PPFIA4: variants seen among roughly 807,000 people sequenced by gnomAD.
The protein encoded by PPFIA4 is liprin-alpha-4.
Under a neutral mutation model 145.7 loss-of-function variants are expected in PPFIA4, and 98 were observed. The observed-to-expected ratio is 0.67, with a 90% confidence interval of 0.57 to 0.80. The LOEUF is 0.80. Among genes scored for constraint, PPFIA4 ranks in the 30% least tolerant of loss-of-function variants. PPFIA4 has a pLI of 0.00. For synonymous variants in PPFIA4, 628 were observed against 649.6 expected, an observed-to-expected ratio of 0.97 and a Z score of 0.51; for missense variants, 1,457 against 1,632.7, an observed-to-expected ratio of 0.89 and a Z score of 1.85.
chr1:203,051,979 C>A, intron 14 of PPFIA4, 102 bp downstream of exon 14: 2 of 1,295,634 alleles, frequency 1.5e-6, no homozygotes, highest in Non-Finnish European at 1.1e-6. Flanking sequence ...AATCCTTCCC[C>A]TTCCCTCCCG....
intron 4 of PPFIA4, 127 bp from the exon 5 acceptor site, chr1:203,044,252 C>T: frequency 8.6e-7 from 1 of 1,162,826 alleles, no homozygotes; most frequent in Non-Finnish European, 1.2e-6. Context: ...CTCCCTCCTG[C>T]AAATGTGCTG....
chr1:203,034,548 G>T lies in PPFIA4; in HGVS notation c.-399-4062G>T, dbSNP rs948258267. Reference sequence around the variant, plus strand: ...CTGTTTCTGCAGCGCCTATGGGAGTGGGGGGCAGTGGGGGGAACTCAGGGA... The same window carrying T: ...CTGTTTCTGCAGCGCCTATGGGAGTTGGGGGCAGTGGGGGGAACTCAGGGA... On this transcript the variant is annotated intron_variant, in intron 1 of 29. Transcript: ENST00000295706. 2.8e-5 allele frequency: 13 copies of T among 456,348 alleles called. 1 individual carries two copies. Among genetic ancestry groups the T allele is most frequent in the African/African-American group, 4.0e-5 (2 of 50,058 alleles). 28.3% of individuals were successfully genotyped at this position (456,348 alleles called of 1,614,324 possible). A position where few individuals can be genotyped will look rare whatever the true frequency, so the allele number is the denominator to read the frequency against.
In PPFIA4 at chr1:203,044,383, G is replaced by A; in HGVS notation, c.506G>A (p.Arg169Gln). 5.8e-6 allele frequency: 9 copies of A among 1,551,682 alleles called. No individual in the cohort carries two copies. Among genetic ancestry groups the A allele is most frequent in the Non-Finnish European group, 6.1e-6 (7 of 1,147,572 alleles). The change falls in exon 5 of 30, where the codon CGA (arginine) becomes CAA (glutamine). Residue 169 changes from arginine to glutamine, a missense_variant. Arg to Gln is a conservative substitution (Grantham distance 43). Around this residue, in one of 3 missense-constraint regions of PPFIA4, gnomAD observed 463 missense variants for 459.8 expected, o/e 1.01. Transcript: ENST00000295706. ...ATCTCCCCTTACCTCGAGCAGGTGC[G>A]AGAGCGGCTCCGGGCAGCGCTGGAG... ...EHHKALDEKV[R>Q]ERLRAALERV... is the part of the protein sequence containing the mutation.
intron 13 of PPFIA4, among the ~76,000 whole-genome samples, chr1:203,050,004 G>T (rs990118143): frequency 6.6e-6 from 1 of 152,224 alleles, no homozygotes; most frequent in African/African-American, 2.4e-5. Flanking sequence ...CCAGTGCTCT[G>T]TCCCCGCTGT....
chr1:203,052,733 C>T (rs1244706957), intron 14 of PPFIA4, among the ~76,000 whole-genome samples: 2 of 152,158 alleles, frequency 1.3e-5, no homozygotes, highest in Non-Finnish European at 2.9e-5. Context: ...ACCTTTCTGT[C>T]CCTGGCTCCC....
intron 24 of PPFIA4, among the ~76,000 whole-genome samples, chr1:203,062,706 TGAA>T (rs1661478786): frequency 6.6e-6 from 1 of 151,650 alleles, no homozygotes; most frequent in Non-Finnish European, 1.5e-5. Context: ...GGGTGTGAAA[TGAA>T]GAATGCAGAT....
At chr1:203,058,451 C>T (rs1203003445) in intron 19 of PPFIA4, among the ~76,000 whole-genome samples, 1 of 152,080 alleles carries the variant, frequency 6.6e-6, no homozygotes, top group African/African-American at 2.4e-5. Context: ...GGAAGCTGAA[C>T]GGTTTGATCA....
At chr1:203,034,335 C>G in intron 1 of PPFIA4, 1 of 415,470 alleles carries the variant, frequency 2.4e-6, no homozygotes, top group South Asian at 1.8e-5. Context: ...GGCTAGGGAG[C>G]AGCAGGAGAG....
intron 2 of PPFIA4, among the ~76,000 whole-genome samples, chr1:203,041,334 G>A (rs988229904): frequency 1.3e-5 from 2 of 152,202 alleles, no homozygotes; most frequent in Non-Finnish European, 2.9e-5. Context: ...CCTCACTCCT[G>A]TAATCCCAGC....
chr1:203,026,786 C>T (rs1658423147), intron 1 of PPFIA4, among the ~76,000 whole-genome samples, 157 bp downstream of exon 1: 1 of 152,224 alleles, frequency 6.6e-6, no homozygotes, highest in Non-Finnish European at 1.5e-5. Flanking sequence ...TACTGCTTAC[C>T]CTGCCGCCCC....
intron 1 of PPFIA4, among the ~76,000 whole-genome samples, chr1:203,031,665 A>AT (rs200147532): frequency 2.0e-3 from 312 of 152,238 alleles, no homozygotes; most frequent in African/African-American, 7.0e-3. Context: ...GACTTTGAGC[A>AT]TTTTTTTACC....
rs751983804 is a variant in PPFIA4 at position 203,043,530 on chromosome 1, G to T, written c.336+32G>T. ...GGGGATGACCTTGTGTCGCGCGCGC[G>T]CACGTGTGTGTGTGTGTGTATGGGG... On this transcript the variant is annotated intron_variant, in intron 3 of 29. Transcript: ENST00000295706. The surrounding 1 kb of genome is among the most constrained non-coding windows in gnomAD (Gnocchi z 4.4). The T allele has an allele frequency of 3.9e-6, 6 of 1,550,442 alleles. No individual in the cohort carries two copies. In the African/African-American group the frequency reaches 8.3e-5, roughly 21 times the overall value.
chr1:203,063,198 C>T (rs183699037), intron 24 of PPFIA4: 3 of 152,478 alleles, frequency 2.0e-5, no homozygotes, highest in African/African-American at 7.2e-5. Flanking sequence ...CCACATGGCA[C>T]AGGCCCTGCA....
At chr1:203,062,282 C>T (rs1479512310) in intron 24 of PPFIA4, among the ~76,000 whole-genome samples, 1 of 151,032 alleles carries the variant, frequency 6.6e-6, no homozygotes, top group Non-Finnish European at 1.5e-5. Context: ...TCAAGACCAT[C>T]CTGGCTAACA....
At chr1:203,053,713 G>T (rs1175086839) in intron 14 of PPFIA4, 40 bp from the exon 15 acceptor site, 15 of 1,517,398 alleles carry the variant, frequency 9.9e-6, no homozygotes, top group African/African-American at 1.4e-5. Context: ...AGTTATCTGG[G>T]TGTCTTATTA....
chr1:203,044,119 C>A, intron 4 of PPFIA4, 24 bp downstream of exon 4: 3 of 1,552,960 alleles, frequency 1.9e-6, no homozygotes, highest in South Asian at 1.2e-5. Context: ...CGCCAGCCCC[C>A]ACATCCAGCC....
At position 203,075,661 on chromosome 1, in the gene PPFIA4, A is replaced by T. The variant is rs547367267; in HGVS notation, c.3478A>T (p.Ser1160Cys). 1.3e-6 allele frequency: 2 copies of T among 1,509,998 alleles called. No individual in the cohort carries two copies. The highest frequency in any genetic ancestry group is 1.8e-6 in the Non-Finnish European group (2 of 1,128,700). The allele number at this position is 1,509,998 out of a possible 1,614,324, so 93.5% of individuals were successfully genotyped here. A position where few individuals can be genotyped will look rare whatever the true frequency, so the allele number is the denominator to read the frequency against. Reference sequence around the variant, plus strand: ...GCACCACGGTCGCGGCGGCATGCTCAGCGCTTCCGCGGAGACCCTCCCGGC... The same window carrying T: ...GCACCACGGTCGCGGCGGCATGCTCTGCGCTTCCGCGGAGACCCTCCCGGC... ...REHHGRGGML[S>C]ASAETLPAGF... Residue 1160 changes from serine (S) to cysteine (C), a missense_variant, in exon 29 of 30, where the codon AGC becomes TGC. Ser to Cys is a moderately radical substitution (Grantham distance 112). This residue lies in a region of PPFIA4 where 146 missense variants were observed against 126.2 expected (regional missense o/e 1.16). Transcript: ENST00000295706. This position sits in a 1 kb window ranked among gnomAD's most constrained non-coding sequence, Gnocchi z 4.1.
intron 1 of PPFIA4, among the ~76,000 whole-genome samples, chr1:203,030,728 C>A (rs1353207451): frequency 6.6e-6 from 1 of 152,222 alleles, no homozygotes; most frequent in Non-Finnish European, 1.5e-5. Flanking sequence ...TACGCTGTCT[C>A]ATGAGCAGCA....
rs1203998250 is a variant in PPFIA4, at chr1:203,075,728, C to T, written c.3545C>T (p.Pro1182Leu). 6.5e-6 allele frequency: 9 copies of T among 1,384,180 alleles called. No individual in the cohort carries two copies. The highest frequency in any genetic ancestry group is 8.5e-6 in the Non-Finnish European group (9 of 1,062,406). The allele number at this position is 1,384,180 out of a possible 1,614,324, so 85.7% of individuals were successfully genotyped here. ...ACCCTGGGGACCCTGCAGCCCCCAC[C>T]GGCCCCGCCAAAGAAGATCATGCCT... ...VSTLGTLQPP[P>L]APPKKIMPEA... is the part of the protein sequence containing the mutation. Residue 1182 changes from proline (P) to leucine (L), a missense_variant, in exon 29 of 30, where the codon CCG (proline) becomes CTG (leucine). Pro to Leu is a moderately conservative substitution (Grantham distance 98, BLOSUM62 -3). Transcript: ENST00000295706. This position sits in a 1 kb window ranked among gnomAD's most constrained non-coding sequence, Gnocchi z 4.1.
Sources: allele counts gnomAD v4.1 joint callset (sites outside exome capture counted in the v4.1 genomes callset), GRCh38; gene constraint gnomAD v4.1.1; regional missense constraint gnomAD v4.1.1; non-coding constraint Gnocchi (gnomAD v3.1); transcripts MANE v1.5; gene names NCBI Gene and HGNC (gene_info 2026-07-23, HGNC 2026-07-21).